The following WDR11 variants were observed in gnomAD, a reference collection of about 807,000 sequenced individuals.
The protein encoded by WDR11 is WD repeat domain 11.
In WDR11, 83 loss-of-function variants were observed where a neutral mutation model predicts 151.2. The ratio of observed to expected loss-of-function variants is 0.55; its 90% CI spans 0.46 to 0.66. The LOEUF is 0.66. WDR11 is among the 30% of genes least tolerant of loss of function. WDR11 has a pLI of 0.00. For missense variants in WDR11, 1,301 were observed against 1,480.9 expected, an observed-to-expected ratio of 0.88 and a Z score of 1.99; for synonymous variants, 484 against 533.1, an observed-to-expected ratio of 0.91 and a Z score of 1.27.
intron 3 of WDR11, among the ~76,000 whole-genome samples, chr10:120,859,407 AC>A (rs1846059112): frequency 6.6e-6 from 1 of 151,662 alleles, no homozygotes; most frequent in Non-Finnish European, 1.5e-5. Context: ...AGCTGGGACC[AC>A]AGGCACACAC....
chr10:120,857,310 C>T lies in WDR11; in HGVS notation c.199-1333C>T, dbSNP rs541192686. Among the ~76,000 whole-genome samples the T allele has an allele frequency of 6.6e-5, 10 of 152,218 alleles. No homozygotes were observed. The East Asian group carries it at 9.6e-4, about 15-fold the overall frequency. Reference sequence around the variant, plus strand: ...TCAGCTGGGAACACACATGTATGTTCGGTGACATTTTTTTCACCATTCTGC... The same window carrying T: ...TCAGCTGGGAACACACATGTATGTTTGGTGACATTTTTTTCACCATTCTGC... On this transcript the variant is annotated intron_variant, in intron 2 of 28. Coordinates refer to ENST00000263461, the MANE Select transcript of WDR11 (RefSeq NM_018117.12).
chr10:120,890,616 C>G (rs1847400730), intron 18 of WDR11, 100 bp from the exon 19 acceptor site: 1 of 1,425,568 alleles, frequency 7.0e-7, no homozygotes, highest in African/African-American at 1.4e-5. Context: ...TAAACTTGAA[C>G]TGGGCCTTTG....
intron 9 of WDR11, 119 bp from the exon 10 acceptor site, chr10:120,871,051 C>A (rs576185817): frequency 9.9e-7 from 1 of 1,014,112 alleles, no homozygotes; most frequent in Admixed American, 2.2e-5. Flanking sequence ...CACTAAAGTA[C>A]TACATTAACT....
At chr10:120,856,575 C>CAAAAA (rs71019798) in intron 2 of WDR11, among the ~76,000 whole-genome samples, 1 of 101,904 alleles carries the variant, frequency 9.8e-6, no homozygotes. Flanking sequence ...ACTCTGTCTC[C>CAAAAA]AAAAAAAAAA....
At chr10:120,892,642 T>C (rs1187114954) in intron 19 of WDR11, among the ~76,000 whole-genome samples, 4 of 152,238 alleles carry the variant, frequency 2.6e-5, no homozygotes, top group African/African-American at 9.6e-5. Flanking sequence ...GTGTTTCCTA[T>C]GTTTTCTTCA....
At chr10:120,864,937 A>T in intron 5 of WDR11, 110 bp from the exon 6 acceptor site, 4 of 1,304,040 alleles carry the variant, frequency 3.1e-6, no homozygotes, top group Non-Finnish European at 4.3e-6. Context: ...TTCAGGGAAT[A>T]GTTGTACATT....
In WDR11 at chr10:120,903,248, C is replaced by G. The variant is rs377146493; in HGVS notation, c.2931+16C>G. On this transcript the variant is annotated intron_variant, in intron 23 of 28. Coordinates refer to ENST00000263461, the MANE Select transcript of WDR11 (RefSeq NM_018117.12). ...CTACTTTCAGGTAGTCTGCTTCACA[C>G]AGCAAAACCTTTAGAGCTGTCATCT... 16 of 1,613,880 alleles carry G rather than the reference C, an allele frequency of 9.9e-6. No homozygotes were observed. The African/African-American group carries it at 2.1e-4, about 22-fold the overall frequency.
At chr10:120,897,265 G>A (rs1473686716) in intron 19 of WDR11, among the ~76,000 whole-genome samples, 5 of 152,208 alleles carry the variant, frequency 3.3e-5, no homozygotes, top group South Asian at 2.1e-4. Context: ...TGACAAATGC[G>A]GAAAGAATAA....
At position 120,858,812 on chromosome 10, in the gene WDR11, T is replaced by A. The variant is rs1846034169; in HGVS notation, c.352+16T>A. The A allele has an allele frequency of 6.2e-7, 1 of 1,614,024 alleles. No homozygotes were observed. The highest frequency in any genetic ancestry group is 2.2e-5 in the East Asian group (1 of 44,884). Reference sequence around the variant, plus strand: ...CCTATCCAGGGTGAGGAAAGTCTGCTCAGCTAAGTGTGTATATTGATACAC... The same window carrying A: ...CCTATCCAGGGTGAGGAAAGTCTGCACAGCTAAGTGTGTATATTGATACAC... On this transcript the variant is annotated intron_variant, in intron 3 of 28. Coordinates refer to ENST00000263461, the MANE Select transcript of WDR11 (RefSeq NM_018117.12).
chr10:120,880,988 CTGGA>C, intron 13 of WDR11, 87 bp downstream of exon 13: 1 of 1,176,494 alleles, frequency 8.5e-7, no homozygotes, highest in Non-Finnish European at 1.2e-6. Context: ...TGGGAATGTG[CTGGA>C]ATGCATATGG....
intron 9 of WDR11, among the ~76,000 whole-genome samples, chr10:120,868,450 C>T (rs141247230): frequency 5.3e-5 from 8 of 151,720 alleles, no homozygotes; most frequent in Admixed American, 3.9e-4. Flanking sequence ...GAGCGAGACT[C>T]GATCTCAAAA....
At chr10:120,893,669 A>G (rs928914567) in intron 19 of WDR11, among the ~76,000 whole-genome samples, 6 of 151,662 alleles carry the variant, frequency 4.0e-5, no homozygotes, top group African/African-American at 1.5e-4. Flanking sequence ...CATCCTCTCC[A>G]GCACCTGTTG....
intron 2 of WDR11, among the ~76,000 whole-genome samples, chr10:120,857,054 A>G (rs1845972170): frequency 2.0e-5 from 3 of 151,854 alleles, no homozygotes. Context: ...ATAGCCAACA[A>G]CACATGCCTG....
At chr10:120,876,194 G>A (rs1350174978) in intron 11 of WDR11, among the ~76,000 whole-genome samples, 6 of 151,650 alleles carry the variant, frequency 4.0e-5, no homozygotes, top group Non-Finnish European at 7.4e-5. Context: ...TGGTCAGGCC[G>A]GTCTTGAATT....
chr10:120,894,497 G>A (rs923817679), intron 19 of WDR11, among the ~76,000 whole-genome samples: 2 of 152,248 alleles, frequency 1.3e-5, no homozygotes, highest in East Asian at 1.9e-4. Context: ...TGCCCCAAAC[G>A]CCAGTAGTGT....
intron 17 of WDR11, chr10:120,889,462 G>A (rs1847343594): frequency 4.9e-6 from 2 of 407,950 alleles, no homozygotes; most frequent in South Asian, 2.2e-5. Context: ...GGATGGTCTC[G>A]ATCTCCTGAC....
At chr10:120,883,919 A>G (rs1216355800) in intron 14 of WDR11, 31 bp downstream of exon 14, 1 of 1,535,232 alleles carries the variant, frequency 6.5e-7, no homozygotes, top group Non-Finnish European at 9.0e-7. Flanking sequence ...TTAATAGCTT[A>G]TTTAGGTATA....
intron 2 of WDR11, among the ~76,000 whole-genome samples, chr10:120,855,333 T>G (rs1380994141): frequency 6.6e-6 from 1 of 152,168 alleles, no homozygotes; most frequent in African/African-American, 2.4e-5. Flanking sequence ...CAGTGGGAGA[T>G]TTCATCATGC....
intron 26 of WDR11, 52 bp downstream of exon 26, chr10:120,905,468 T>C: frequency 6.3e-7 from 1 of 1,590,514 alleles, no homozygotes; most frequent in South Asian, 1.1e-5. Context: ...GATAGAAAGC[T>C]CAGTCCTGAA....
Sources: gnomAD v4.1 joint callset for allele counts (sites outside exome capture counted in the v4.1 genomes callset) on GRCh38, gnomAD v4.1.1 for gene constraint, MANE v1.5 for transcripts, NCBI Gene and HGNC (gene_info 2026-07-23, HGNC 2026-07-21) for gene names.